MYO18B: variants seen among roughly 807,000 people sequenced by gnomAD.
MYO18B encodes the protein unconventional myosin-XVIIIb.
Under a neutral mutation model 273.0 loss-of-function variants are expected in MYO18B, and 204 were observed. The ratio of observed to expected loss-of-function variants is 0.75; its 90% CI spans 0.67 to 0.84. The LOEUF (loss-of-function observed/expected upper bound fraction) is 0.84, where lower values mean the gene tolerates loss of function less well. MYO18B is among the 40% of genes least tolerant of loss of function. The pLI is 0.00. For missense variants in MYO18B, 3,212 were observed against 3,287.6 expected (o/e 0.98, Z 0.56); for synonymous variants, 1,330 against 1,305.7 (o/e 1.02, Z -0.40).
chr22:25,942,278 C>T (rs141934267), intron 34 of MYO18B, among the ~76,000 whole-genome samples: 10 of 152,296 alleles, frequency 6.6e-5, no homozygotes, highest in East Asian at 5.8e-4. Flanking sequence ...CTCTGTCCTT[C>T]GGAATGAATG....
At chr22:25,905,443 A>G (rs1183389323) in intron 31 of MYO18B, among the ~76,000 whole-genome samples, 1 of 152,166 alleles carries the variant, frequency 6.6e-6, no homozygotes, top group East Asian at 1.9e-4. Flanking sequence ...CAAAGTTTAT[A>G]GTCATGCTTA....
rs370452415 is a variant in MYO18B, at chr22:25,769,375, G to A, written c.1459G>A (p.Gly487Arg). 5.3e-5 allele frequency: 84 copies of A among 1,573,940 alleles called. No individual in the cohort carries two copies. The East Asian group carries it at 1.5e-3, about 29-fold the overall frequency. The change falls in exon 4 of 44, where the codon GGG (glycine) becomes AGG (arginine). Residue 487 changes from glycine (G) to arginine (R), a missense_variant. Coordinates refer to ENST00000335473, the MANE Select transcript of MYO18B (RefSeq NM_032608.7). ...RPRIRKENQD[G>R]PAPQEEGKGG... ...TCGGATACGGAAGGAGAACCAAGACGGGCCAGCCCCGCAGGAGGAGGGCAA... is the reference window on the plus strand; with the variant it reads ...TCGGATACGGAAGGAGAACCAAGACAGGCCAGCCCCGCAGGAGGAGGGCAA...
chr22:25,837,902 A>C (rs531016062), intron 17 of MYO18B, among the ~76,000 whole-genome samples: 6 of 152,246 alleles, frequency 3.9e-5, no homozygotes, highest in African/African-American at 1.2e-4. Context: ...TCAGGGGTAC[A>C]TGTGCAGGAT....
At chr22:25,786,323 G>A (rs139207820) in intron 11 of MYO18B, among the ~76,000 whole-genome samples, 125 of 152,264 alleles carry the variant, frequency 8.2e-4, no homozygotes, top group African/African-American at 2.8e-3. Context: ...GAGCTACTTG[G>A]ACTTTGCCAG....
At chr22:26,029,268 A>G (rs1469437921) in intron 43 of MYO18B, among the ~76,000 whole-genome samples, 4 of 152,158 alleles carry the variant, frequency 2.6e-5, no homozygotes, top group Non-Finnish European at 1.5e-5. Flanking sequence ...CATGGCTCTC[A>G]GGGTGCACCT....
Position 25,908,323 on chromosome 22 carries a change from T to C in MYO18B, c.5150T>C (p.Leu1717Pro). The C allele has an allele frequency of 6.3e-7, 1 of 1,576,434 alleles. No homozygotes were observed. Among genetic ancestry groups the C allele is most frequent in the Non-Finnish European group, 8.6e-7 (1 of 1,161,302 alleles). The change falls in exon 32 of 44, where the codon CTC (leucine) becomes CCC (proline). Residue 1717 changes from leucine to proline, a missense_variant and splice_region_variant. By Grantham distance (98) the Leu-to-Pro change is moderately conservative. Transcript: ENST00000335473. ...QENTIKQLEQLRQRFELEIER... is the reference protein window; with the variant it reads ...QENTIKQLEQPRQRFELEIER... ...GTGCTGTCCTTGCTGCCCCCGCAGCTCCGCCAGCGGTTTGAGCTGGAGATC... is the reference window on the plus strand; with the variant it reads ...GTGCTGTCCTTGCTGCCCCCGCAGCCCCGCCAGCGGTTTGAGCTGGAGATC...
At chr22:25,911,532 A>T (rs753322237) in intron 33 of MYO18B, among the ~76,000 whole-genome samples, 8 of 152,200 alleles carry the variant, frequency 5.3e-5, no homozygotes, top group Non-Finnish European at 1.2e-4. Context: ...GGTTGTGGCT[A>T]TCACTGTACA....
At chr22:25,839,379 G>A (rs949786827) in intron 17 of MYO18B, among the ~76,000 whole-genome samples, 1 of 152,210 alleles carries the variant, frequency 6.6e-6, no homozygotes, top group Non-Finnish European at 1.5e-5. Context: ...CCCTGCAGGA[G>A]TCCTGGCATT....
intron 12 of MYO18B, among the ~76,000 whole-genome samples, chr22:25,813,728 C>A (rs555377533): frequency 6.6e-6 from 1 of 152,340 alleles, no homozygotes; most frequent in South Asian, 2.1e-4. Context: ...GGCCCCTGCA[C>A]TGGTGCTGTG....
At chr22:25,953,385 C>T (rs1171716225) in intron 38 of MYO18B, 3 of 152,182 alleles carry the variant, frequency 2.0e-5, no homozygotes, top group African/African-American at 7.2e-5. Flanking sequence ...GACACCTGAC[C>T]TTCACTTCCT....
At chr22:25,807,178 G>A (rs1480956928) in intron 12 of MYO18B, among the ~76,000 whole-genome samples, 1 of 152,192 alleles carries the variant, frequency 6.6e-6, no homozygotes, top group Non-Finnish European at 1.5e-5. Context: ...TGAAACTTCT[G>A]TGCTAGAGAA....
At chr22:25,970,483 C>A (rs2093025619) in intron 39 of MYO18B, among the ~76,000 whole-genome samples, 1 of 152,138 alleles carries the variant, frequency 6.6e-6, no homozygotes, top group South Asian at 2.1e-4. Flanking sequence ...CCTTCTCCAG[C>A]CTTGTCTTGG....
At chr22:26,016,772 A>G (rs977868805) in intron 42 of MYO18B, among the ~76,000 whole-genome samples, 2 of 152,218 alleles carry the variant, frequency 1.3e-5, no homozygotes, top group African/African-American at 4.8e-5. Context: ...GGAGATACAA[A>G]TAAGTAAATA....
At chr22:25,957,152 C>T (rs1331018131) in intron 39 of MYO18B, among the ~76,000 whole-genome samples, 1 of 152,314 alleles carries the variant, frequency 6.6e-6, no homozygotes, top group Non-Finnish European at 1.5e-5. Flanking sequence ...GAGGAGAGAA[C>T]ATCCCCAGCC....
intron 39 of MYO18B, 88 bp from the exon 40 acceptor site, chr22:25,992,275 A>G: frequency 6.5e-7 from 1 of 1,538,310 alleles, no homozygotes; most frequent in Non-Finnish European, 8.9e-7. Context: ...CACTAGGCTC[A>G]GCCTGGGGCG....
At chr22:25,836,942 A>G (rs2145959720) in intron 17 of MYO18B, among the ~76,000 whole-genome samples, 1 of 151,078 alleles carries the variant, frequency 6.6e-6, no homozygotes, top group East Asian at 1.9e-4. Flanking sequence ...AGCCTGGACA[A>G]CAAGAGTGAA....
intron 34 of MYO18B, among the ~76,000 whole-genome samples, chr22:25,921,815 AGTGT>A (rs71191088): frequency 0.027 from 3,468 of 130,394 alleles, 41 homozygotes; most frequent in African/African-American, 0.049. Context: ...AAATAGCAAT[AGTGT>A]GTGTGTGTGT....
chr22:25,914,502 T>C (rs893335979), intron 33 of MYO18B, among the ~76,000 whole-genome samples: 1 of 151,982 alleles, frequency 6.6e-6, no homozygotes, highest in African/African-American at 2.4e-5. Flanking sequence ...AGAATATTTT[T>C]CTGTATTCTA....
intron 40 of MYO18B, among the ~76,000 whole-genome samples, chr22:25,999,432 C>T (rs1166940221): frequency 6.6e-6 from 1 of 152,138 alleles, no homozygotes; most frequent in Non-Finnish European, 1.5e-5. Flanking sequence ...TAAAGAAGTA[C>T]AGCTGAAGAC....
Sources: allele counts gnomAD v4.1 joint callset (sites outside exome capture counted in the v4.1 genomes callset), GRCh38; gene constraint gnomAD v4.1.1; transcripts MANE v1.5; gene names NCBI Gene and HGNC (gene_info 2026-07-23, HGNC 2026-07-21).